The following EDIL3 variants were observed in gnomAD, a reference collection of about 807,000 sequenced individuals.
The protein encoded by EDIL3 is EGF-like repeat and discoidin I-like domain-containing protein 3.
A neutral mutation model predicts 67.4 loss-of-function variants in EDIL3; 37 were observed. The ratio of observed to expected loss-of-function variants is 0.55; its 90% CI spans 0.42 to 0.72. EDIL3 has a LOEUF of 0.72. Among genes scored for constraint, EDIL3 ranks in the 30% least tolerant of loss-of-function variants. EDIL3 has a pLI of 0.00. For missense variants in EDIL3, 527 were observed against 586.3 expected, an observed-to-expected ratio of 0.90 and a Z score of 1.04; for synonymous variants, 195 against 196.3, an observed-to-expected ratio of 0.99 and a Z score of 0.05.
At chr5:83,995,151 C>CAT (rs1554062576) in intron 9 of EDIL3, among the ~76,000 whole-genome samples, 1 of 75,778 alleles carries the variant, frequency 1.3e-5, no homozygotes, top group Non-Finnish European at 2.5e-5. Context: ...CACACGCACA[C>CAT]ACACATACAC....
At chr5:84,166,226 G>A (rs986043151) in intron 4 of EDIL3, among the ~76,000 whole-genome samples, 7 of 152,166 alleles carry the variant, frequency 4.6e-5, no homozygotes, top group African/African-American at 1.7e-4. Context: ...AGGAGATGAG[G>A]TACCGTGTTC....
chr5:84,042,149 G>T (rs1746136496), intron 9 of EDIL3, among the ~76,000 whole-genome samples: 3 of 151,936 alleles, frequency 2.0e-5, no homozygotes, highest in Admixed American at 1.3e-4. Context: ...ATAGGACAAG[G>T]TATCATAAAA....
intron 1 of EDIL3, among the ~76,000 whole-genome samples, chr5:84,288,037 C>T (rs1274609674): frequency 6.6e-6 from 1 of 152,172 alleles, no homozygotes; most frequent in Non-Finnish European, 1.5e-5. Context: ...CTCACGAACT[C>T]ACTTGGATGA....
intron 9 of EDIL3, among the ~76,000 whole-genome samples, chr5:84,058,845 T>C (rs1271337735): frequency 1.3e-5 from 2 of 152,186 alleles, no homozygotes; most frequent in Non-Finnish European, 2.9e-5. Flanking sequence ...AAACATTTGT[T>C]AAATAAATAA....
intron 1 of EDIL3, among the ~76,000 whole-genome samples, chr5:84,305,647 A>G (rs978544104): frequency 6.6e-6 from 1 of 152,218 alleles, no homozygotes; most frequent in African/African-American, 2.4e-5. Context: ...TGGGAGGCCA[A>G]GACGCGCGGC....
At position 84,064,824 on chromosome 5, in the gene EDIL3, A is replaced by G. The variant is rs199498652; in HGVS notation, c.828T>C (p.Asp276=). The change falls in exon 8 of 11, where the codon GAT becomes GAC. Residue 276 remains aspartate (D), a synonymous_variant. Transcript: ENST00000296591. ...NEDMVFRGNI[D]NNTPYANSFT... is the part of the protein sequence containing the mutation. ...AAGAGTTAGCATATGGAGTGTTGTT[A>G]TCAATGTTTCCACGAAACACCTGTG... 1.0e-4 allele frequency: 162 copies of G among 1,611,298 alleles called. No individual in the cohort carries two copies. Among genetic ancestry groups the G allele is most frequent in the Non-Finnish European group, 1.3e-4 (152 of 1,179,000 alleles).
rs192146011 is a variant in EDIL3 at position 84,320,247 on chromosome 5, T to C, written c.67+64061A>G. Among the ~76,000 whole-genome samples the C allele has an allele frequency of 6.8e-3, 1,039 of 152,264 alleles. 15 individuals carry two copies. Among genetic ancestry groups the C allele is most frequent in the African/African-American group, 0.024 (992 of 41,552 alleles). ...GATCTCCTTTAAGTTCAATAAAGTA[T>C]ACTGATTGAGAGAAGTATTCTAAAG... On this transcript the variant is annotated intron_variant, in intron 1 of 10. Transcript: ENST00000296591.
intron 1 of EDIL3, among the ~76,000 whole-genome samples, chr5:84,269,149 T>G (rs1745411304): frequency 6.6e-6 from 1 of 152,180 alleles, no homozygotes. Context: ...TGGACAGAAA[T>G]GGCACATTGT....
chr5:83,955,659 G>A (rs931089633), intron 10 of EDIL3, among the ~76,000 whole-genome samples: 2 of 151,668 alleles, frequency 1.3e-5, no homozygotes, highest in African/African-American at 2.4e-5. Context: ...TTAAATAACA[G>A]TCACACCAGT....
intron 6 of EDIL3, among the ~76,000 whole-genome samples, chr5:84,067,558 T>C (rs768860089): frequency 8.5e-5 from 13 of 152,216 alleles, no homozygotes; most frequent in Non-Finnish European, 1.8e-4. Flanking sequence ...AAATATGTCA[T>C]ACCATAATAT....
chr5:83,989,725 A>G (rs1580267718), intron 9 of EDIL3, among the ~76,000 whole-genome samples: 1 of 152,302 alleles, frequency 6.6e-6, no homozygotes, highest in East Asian at 1.9e-4. Flanking sequence ...CCTTTCCTGA[A>G]TGCAGGTGAG....
chr5:84,350,110 C>T (rs915105549), intron 1 of EDIL3, among the ~76,000 whole-genome samples: 1 of 152,048 alleles, frequency 6.6e-6, no homozygotes, highest in African/African-American at 2.4e-5. Flanking sequence ...TTCTCTTACC[C>T]ACTGTAGTAA....
Position 84,235,278 on chromosome 5 carries a change from T to C in EDIL3, c.197-5394A>G, listed in dbSNP as rs139004128. ...CTCTGGCCAAATATTTCAGACAGCA[T>C]ATGATGTGGTCAACTCCACAATCTC... On this transcript the variant is annotated intron_variant, in intron 2 of 10. Transcript: ENST00000296591. Among the ~76,000 whole-genome samples the C allele has an allele frequency of 3.6e-3, 544 of 152,270 alleles. 3 individuals carry two copies. The highest frequency in any genetic ancestry group is 6.1e-3 in the Non-Finnish European group (416 of 68,006).
chr5:84,345,016 G>A (rs535920961), intron 1 of EDIL3, among the ~76,000 whole-genome samples: 1 of 152,224 alleles, frequency 6.6e-6, no homozygotes, highest in African/African-American at 2.4e-5. Context: ...GGAGGCTAAC[G>A]TATTTTCAAA....
At chr5:84,099,669 G>A (rs1211492452) in intron 6 of EDIL3, among the ~76,000 whole-genome samples, 3 of 152,076 alleles carry the variant, frequency 2.0e-5, no homozygotes, top group Non-Finnish European at 4.4e-5. Flanking sequence ...ATAGGCATGG[G>A]CAAAGACTTC....
Position 84,384,638 on chromosome 5 carries a change from T to A in EDIL3, c.-264A>T, listed in dbSNP as rs1030728997. On this transcript the variant is annotated 5_prime_UTR_variant, in exon 1 of 11. Transcript: ENST00000296591. ...GGGGAGCCGCCGGCGGGCTCAGCCC[T>A]CCGCTGCGGGTGGGTCCCGGCAGAG... 3.0e-5 allele frequency: 8 copies of A among 263,560 alleles called. No individual in the cohort carries two copies. The highest frequency in any genetic ancestry group is 6.7e-5 in the African/African-American group (3 of 44,724). The allele number at this position is 263,560 out of a possible 1,614,324, so 16.3% of individuals were successfully genotyped here.
chr5:84,011,645 T>A (rs1745518426), intron 9 of EDIL3, among the ~76,000 whole-genome samples: 1 of 152,178 alleles, frequency 6.6e-6, no homozygotes, highest in Admixed American at 6.6e-5. Flanking sequence ...ACCTCTCCAA[T>A]GTCATCTACA....
chr5:84,095,586 G>A lies in EDIL3; in HGVS notation c.651+11063C>T, dbSNP rs181986206. Among the ~76,000 whole-genome samples, 7 of 152,316 alleles carry A rather than the reference G, an allele frequency of 4.6e-5. No individual in the cohort carries two copies. In the East Asian group the frequency reaches 1.3e-3, roughly 29 times the overall value. ...GTGGAACTTTGAACTTGAGAGAGAT[G>A]ATTTAGGGTATCTGGCAGAAGAAAT... On this transcript the variant is annotated intron_variant, in intron 6 of 10. Transcript: ENST00000296591.
intron 10 of EDIL3, among the ~76,000 whole-genome samples, chr5:83,946,420 C>T (rs1023489607): frequency 4.0e-5 from 6 of 151,820 alleles, no homozygotes; most frequent in African/African-American, 1.5e-4. Context: ...GCAGAAGCTT[C>T]CATAATTACA....
Sources: gnomAD v4.1 joint callset for allele counts (sites outside exome capture counted in the v4.1 genomes callset) on GRCh38, gnomAD v4.1.1 for gene constraint, MANE v1.5 for transcripts, NCBI Gene and HGNC (gene_info 2026-07-23, HGNC 2026-07-21) for gene names.